NPC1: variants seen among roughly 807,000 people sequenced by gnomAD.
The protein encoded by NPC1 is Niemann-Pick C1 protein.
In NPC1, 85 loss-of-function variants were observed where a neutral mutation model predicts 140.4. That is an observed-to-expected ratio of 0.61 (90% CI 0.51 to 0.72). The LOEUF (loss-of-function observed/expected upper bound fraction) is 0.72. NPC1 is among the 30% of genes least tolerant of loss of function. NPC1 has a pLI of 0.00. For synonymous variants in NPC1, 656 were observed against 624.8 expected (o/e 1.05, Z -0.74); for missense variants, 1,504 against 1,623.8 (o/e 0.93, Z 1.27).
At chr18:23,568,763 C>A (rs1453865089) in intron 4 of NPC1, 60 bp downstream of exon 4, 2 of 1,366,302 alleles carry the variant, frequency 1.5e-6, no homozygotes, top group East Asian at 2.3e-5. Flanking sequence ...CTAAAAGGAA[C>A]AATTTGCTCT....
At chr18:23,524,628 T>A, downstream of NPC1, 1 of 746,466 alleles carries the variant, frequency 1.3e-6, no homozygotes, top group Non-Finnish European at 2.2e-6. Flanking sequence ...TTTTTCACTT[T>A]ATACGTTTTT....
chr18:23,586,198 G>T, intron 1 of NPC1, 89 bp downstream of exon 1: 1 of 1,416,516 alleles, frequency 7.1e-7, no homozygotes, highest in Non-Finnish European at 9.5e-7. Flanking sequence ...CAGGACCCGG[G>T]CCTGAGCCGT....
chr18:23,549,571 A>T (rs2145423355), intron 10 of NPC1, among the ~76,000 whole-genome samples: 1 of 151,438 alleles, frequency 6.6e-6, no homozygotes, highest in South Asian at 2.1e-4. Flanking sequence ...CCTGGGAGGC[A>T]GGGGTTGCAG....
chr18:23,561,555 GA>G (rs1477002914), intron 4 of NPC1, 28 bp from the exon 5 acceptor site: 1 of 1,611,620 alleles, frequency 6.2e-7, no homozygotes, highest in Non-Finnish European at 8.5e-7. Context: ...AAGGAAAAAG[GA>G]GACAAGATGC....
intron 5 of NPC1, among the ~76,000 whole-genome samples, chr18:23,560,682 A>G (rs1156610925): frequency 6.6e-6 from 1 of 152,214 alleles, no homozygotes; most frequent in Non-Finnish European, 1.5e-5. Flanking sequence ...ACTTGCGCGT[A>G]GGGGTTTGTC....
At chr18:23,579,731 AT>A (rs1166466981) in intron 1 of NPC1, among the ~76,000 whole-genome samples, 2 of 152,210 alleles carry the variant, frequency 1.3e-5, no homozygotes, top group African/African-American at 4.8e-5. Flanking sequence ...TCTACTAAAA[AT>A]ACAAAAAATT....
Position 23,572,124 on chromosome 18 carries a change from C to T in NPC1, c.237G>A (p.Gln79=). 1 of 1,613,866 alleles carries T rather than the reference C, an allele frequency of 6.2e-7. No homozygotes were observed. The highest frequency in any genetic ancestry group is 8.5e-7 in the Non-Finnish European group (1 of 1,179,854). Reference sequence around the variant, plus strand: ...GCAGGTTGTCTTTTAGTGTCTGAAGCTGCCGAACATCACAACAGAGACTGA... The same window carrying T: ...GCAGGTTGTCTTTTAGTGTCTGAAGTTGCCGAACATCACAACAGAGACTGA... ...GNVSLCCDVR[Q]LQTLKDNLQL... The change falls in exon 3 of 25, where the codon CAG becomes CAA. Residue 79 remains glutamine, a synonymous_variant. Transcript: ENST00000269228.
intron 4 of NPC1, among the ~76,000 whole-genome samples, chr18:23,566,588 T>TAAAA (rs10668198): frequency 1.6e-4 from 24 of 151,538 alleles, no homozygotes; most frequent in African/African-American, 5.1e-4. Flanking sequence ...TTCCAAAAAA[T>TAAAA]AAAATACTTA....
At chr18:23,525,901 G>C (rs2058285791), downstream of NPC1, among the ~76,000 whole-genome samples, 1 of 152,212 alleles carries the variant, frequency 6.6e-6, no homozygotes, top group Non-Finnish European at 1.5e-5. Flanking sequence ...GATGCTGTAG[G>C]CATCCACTGT....
At chr18:23,529,149 A>G (rs1038221613), downstream of NPC1, 2 of 1,600,950 alleles carry the variant, frequency 1.2e-6, no homozygotes, top group Non-Finnish European at 1.7e-6. Flanking sequence ...AAGATGCCGA[A>G]GATCATAGTT....
intron 10 of NPC1, among the ~76,000 whole-genome samples, chr18:23,548,684 T>TG (rs2058824554): frequency 6.6e-6 from 1 of 152,226 alleles, no homozygotes; most frequent in Non-Finnish European, 1.5e-5. Flanking sequence ...CCCCAACTGA[T>TG]GAGTAGTTTT....
chr18:23,548,580 T>C (rs2058822711), intron 10 of NPC1, among the ~76,000 whole-genome samples: 1 of 152,140 alleles, frequency 6.6e-6, no homozygotes, highest in Middle Eastern at 3.2e-3. Flanking sequence ...ATTCTGCACA[T>C]TACATTTTAA....
intron 11 of NPC1, among the ~76,000 whole-genome samples, chr18:23,546,968 C>CT (rs995639644): frequency 3.9e-5 from 6 of 151,902 alleles, no homozygotes; most frequent in Admixed American, 1.3e-4. Flanking sequence ...GAATTGTACG[C>CT]TTTTTTTTCT....
At chr18:23,571,578 AC>A (rs2059203574) in intron 3 of NPC1, among the ~76,000 whole-genome samples, 1 of 151,334 alleles carries the variant, frequency 6.6e-6, no homozygotes, top group Non-Finnish European at 1.5e-5. Context: ...AATCGCTTGA[AC>A]CCGGGAGGAG....
chr18:23,569,157 T>G (rs1482310359), intron 3 of NPC1, among the ~76,000 whole-genome samples, 159 bp from the exon 4 acceptor site: 1 of 152,210 alleles, frequency 6.6e-6, no homozygotes, highest in Non-Finnish European at 1.5e-5. Context: ...AAACTTCATG[T>G]TAAAATAAAG....
chr18:23,514,005 G>A (rs2057932597), intron 3 of NPC1, among the ~76,000 whole-genome samples: 1 of 152,156 alleles, frequency 6.6e-6, no homozygotes, highest in African/African-American at 2.4e-5. Context: ...GTCCTTTGAT[G>A]TACCTGCCTG....
chr18:23,525,889 C>T (rs1277625320), downstream of NPC1, among the ~76,000 whole-genome samples: 1 of 152,234 alleles, frequency 6.6e-6, no homozygotes, highest in Non-Finnish European at 1.5e-5. Flanking sequence ...AGAATTAGCC[C>T]TGATGCTGTA....
chr18:23,556,118 G>A (rs2058946471), intron 8 of NPC1, 125 bp downstream of exon 8: 11 of 860,480 alleles, frequency 1.3e-5, no homozygotes, highest in South Asian at 8.3e-5. Flanking sequence ...GCCATTATAC[G>A]CTAAGATTTT....
Position 23,556,285 on chromosome 18 carries a change from A to G in NPC1, c.1284T>C (p.Asp428=), listed in dbSNP as rs942924284. ...TGTCAAGCGGAGGTCCAAAGGGTAC[A>G]TCAGCTCCCGAAGGGTATGGCTGGT... ...HIYQPYPSGA[D]VPFGPPLDIQ... The change falls in exon 8 of 25, where the codon GAT becomes GAC. Residue 428 remains aspartate (D), a synonymous_variant. Coordinates refer to ENST00000269228, the MANE Select transcript of NPC1 (RefSeq NM_000271.5). 1 of 1,614,156 alleles carries G rather than the reference A, an allele frequency of 6.2e-7. No individual in the cohort carries two copies. The highest frequency in any genetic ancestry group is 8.5e-7 in the Non-Finnish European group (1 of 1,180,016).
Sources: allele counts gnomAD v4.1 joint callset (sites outside exome capture counted in the v4.1 genomes callset), GRCh38; gene constraint gnomAD v4.1.1; transcripts MANE v1.5; gene names NCBI Gene and HGNC (gene_info 2026-07-23, HGNC 2026-07-21).